CARD8: variants seen among roughly 807,000 people sequenced by gnomAD.
CARD8 encodes the protein caspase recruitment domain-containing protein 8.
Under a neutral mutation model 53.2 loss-of-function variants are expected in CARD8, and 38 were observed. The ratio of observed to expected loss-of-function variants is 0.71; its 90% CI spans 0.55 to 0.94. The LOEUF is 0.94. CARD8 is among the 40% of genes least tolerant of loss of function. The pLI, the probability that CARD8 is intolerant of heterozygous loss-of-function variation, is 0.00. For missense variants in CARD8, 561 were observed against 655.5 expected (o/e 0.86, Z 1.57); for synonymous variants, 245 against 244.9 (o/e 1.00, Z 0.00).
At position 48,231,471 on chromosome 19, in the gene CARD8, A is replaced by C. The variant is rs537406709; in HGVS notation, c.542+189T>G. Among the ~76,000 whole-genome samples the C allele has an allele frequency of 3.9e-5, 6 of 151,904 alleles. No homozygotes were observed. The East Asian group carries it at 9.7e-4, about 25-fold the overall frequency. On this transcript the variant is annotated intron_variant, in intron 8 of 13. Transcript: ENST00000651546. ...ACGCGGGTGCCACCACGCCTGACTA[A>C]TTTTTGTATTTTTAGTAGAGACAGG...
chr19:48,238,063 G>A (rs1471781815), intron 5 of CARD8, among the ~76,000 whole-genome samples: 1 of 151,500 alleles, frequency 6.6e-6, no homozygotes, highest in Non-Finnish European at 1.5e-5. Context: ...GCTGATTTTT[G>A]TATTTTTAGT....
intron 6 of CARD8, 91 bp downstream of exon 6, chr19:48,234,312 G>T (rs1313264194): frequency 3.1e-5 from 42 of 1,369,352 alleles, no homozygotes; most frequent in Non-Finnish European, 4.2e-5. Context: ...TGAGTTCGAT[G>T]AAAAACACCC....
intron 6 of CARD8, chr19:48,234,176 T>G: frequency 2.1e-6 from 1 of 481,248 alleles, no homozygotes; most frequent in Non-Finnish European, 3.7e-6. Flanking sequence ...TCGATTGCAT[T>G]GCTCATTGCC....
At chr19:48,248,666 G>A (rs374289118) in intron 3 of CARD8, among the ~76,000 whole-genome samples, 7 of 152,164 alleles carry the variant, frequency 4.6e-5, no homozygotes, top group African/African-American at 1.7e-4. Flanking sequence ...CCGCTTTGGA[G>A]AATAAACTGG....
At chr19:48,206,963 A>T (rs930948659), downstream of CARD8, among the ~76,000 whole-genome samples, 1 of 152,002 alleles carries the variant, frequency 6.6e-6, no homozygotes, top group African/African-American at 2.4e-5. Context: ...TTGCTCTCGT[A>T]CTTCCTCTGA....
chr19:48,212,164 G>A (rs531890099), intron 13 of CARD8, among the ~76,000 whole-genome samples, 189 bp from the exon 14 acceptor site: 1 of 152,316 alleles, frequency 6.6e-6, no homozygotes, highest in African/African-American at 2.4e-5. Flanking sequence ...ATGCATTGAG[G>A]TGTCTCAAAT....
At chr19:48,226,011 C>T (rs2041703806) in intron 10 of CARD8, among the ~76,000 whole-genome samples, 1 of 137,846 alleles carries the variant, frequency 7.3e-6, no homozygotes, top group Admixed American at 7.0e-5. Context: ...TGAGATCACG[C>T]CCACTGCACT....
intron 3 of CARD8, among the ~76,000 whole-genome samples, chr19:48,246,216 C>T (rs1038936675): frequency 1.7e-4 from 26 of 152,148 alleles, no homozygotes; most frequent in African/African-American, 6.0e-4. Context: ...TGTTTTCTCA[C>T]GATTAGGCTG....
rs1185420742 is a variant in CARD8 at position 48,208,265 on chromosome 19, TAA to T, written c.*3443_*3444del. On this transcript the variant is annotated 3_prime_UTR_variant, in exon 14 of 14. Transcript: ENST00000651546. ...GATGGAGCTGCAGAATCTGAGCATA[TAA>T]AGACTTTTATGAATTCTAACGCCCA... 6.6e-6 allele frequency: 1 copy of T among 152,128 alleles called. No homozygotes were observed. Among genetic ancestry groups the T allele is most frequent in the African/African-American group, 2.4e-5 (1 of 41,438 alleles). 9.4% of individuals were successfully genotyped at this position (152,128 alleles called of 1,614,324 possible).
At chr19:48,214,845 G>C (rs1244983168) in intron 13 of CARD8, among the ~76,000 whole-genome samples, 1 of 126,368 alleles carries the variant, frequency 7.9e-6, no homozygotes, top group Non-Finnish European at 1.6e-5. Flanking sequence ...CTGGAGTGCA[G>C]TGGTGCGATC....
At chr19:48,238,661 C>T (rs893525870) in intron 4 of CARD8, 129 bp from the exon 5 acceptor site, 2 of 782,200 alleles carry the variant, frequency 2.6e-6, no homozygotes, top group African/African-American at 1.7e-5. Flanking sequence ...CATGCCCATC[C>T]ATAGAGATGC....
At chr19:48,218,158 C>CTT (rs56044721) in intron 12 of CARD8, among the ~76,000 whole-genome samples, 28 of 149,014 alleles carry the variant, frequency 1.9e-4, no homozygotes, top group South Asian at 1.1e-3. Context: ...ATAGATTTCT[C>CTT]TTTTTTTTTT....
chr19:48,239,277 CCTCT>C (rs1456969792), intron 4 of CARD8, among the ~76,000 whole-genome samples: 9 of 152,316 alleles, frequency 5.9e-5, no homozygotes, highest in Admixed American at 5.2e-4. Context: ...TGTTGCTTAA[CCTCT>C]CTGAGTATCA....
intron 10 of CARD8, among the ~76,000 whole-genome samples, chr19:48,227,251 A>G (rs2041974678): frequency 6.6e-6 from 1 of 152,176 alleles, no homozygotes; most frequent in Non-Finnish European, 1.5e-5. Flanking sequence ...ATACAATTAG[A>G]TATGCCAAAT....
At chr19:48,228,098 G>A (rs112750720) in intron 10 of CARD8, among the ~76,000 whole-genome samples, 2 of 152,194 alleles carry the variant, frequency 1.3e-5, no homozygotes, top group Non-Finnish European at 2.9e-5. Flanking sequence ...CCATGCAAGG[G>A]ATCTAGGTTG....
In CARD8 at chr19:48,210,608, A is replaced by C. The variant is rs1458063252; in HGVS notation, c.*1102T>G. On this transcript the variant is annotated 3_prime_UTR_variant, in exon 14 of 14. Coordinates refer to ENST00000651546, the MANE Select transcript of CARD8 (RefSeq NM_001184900.3). The stretch of plus-strand genomic sequence containing the variant: ...AATGGTGATAAAGTGCCTAGATTCC[A>C]CTTTAAGTGGTACAAATGTGATAAC... The C allele has an allele frequency of 6.6e-6, 1 of 152,218 alleles. No homozygotes were observed. Among genetic ancestry groups the C allele is most frequent in the Non-Finnish European group, 1.5e-5 (1 of 68,034 alleles). 9.4% of individuals were successfully genotyped at this position (152,218 alleles called of 1,614,324 possible). A position where few individuals can be genotyped will look rare whatever the true frequency, so the allele number is the denominator to read the frequency against.
intron 10 of CARD8, among the ~76,000 whole-genome samples, chr19:48,227,660 A>T (rs2042049497): frequency 6.6e-6 from 1 of 152,080 alleles, no homozygotes; most frequent in Admixed American, 6.5e-5. Flanking sequence ...AGAATTAGCC[A>T]GGTGTGGTGG....
intron 3 of CARD8, among the ~76,000 whole-genome samples, chr19:48,245,412 C>T (rs2045942668): frequency 6.6e-6 from 1 of 152,064 alleles, no homozygotes; most frequent in Admixed American, 6.6e-5. Flanking sequence ...GGGGTTTCAC[C>T]ATGTTGGATA....
chr19:48,212,128 A>G (rs1425295973), intron 13 of CARD8, among the ~76,000 whole-genome samples, 153 bp from the exon 14 acceptor site: 1 of 152,200 alleles, frequency 6.6e-6, no homozygotes, highest in East Asian at 1.9e-4. Flanking sequence ...ACATTCACAG[A>G]GCAAATATAC....
Sources: gnomAD v4.1 joint callset for allele counts (sites outside exome capture counted in the v4.1 genomes callset) on GRCh38, gnomAD v4.1.1 for gene constraint, MANE v1.5 for transcripts, NCBI Gene and HGNC (gene_info 2026-07-23, HGNC 2026-07-21) for gene names.